The following MTHFD1L variants were observed in gnomAD, a reference collection of about 807,000 sequenced individuals.
MTHFD1L encodes the protein methylenetetrahydrofolate dehydrogenase (NADP+ dependent) 1 like.
Under a neutral mutation model 119.5 loss-of-function variants are expected in MTHFD1L, and 81 were observed. The observed-to-expected ratio is 0.68, with a 90% confidence interval of 0.57 to 0.82. The LOEUF (loss-of-function observed/expected upper bound fraction) is 0.82. MTHFD1L is among the 40% of genes least tolerant of loss of function. MTHFD1L has a pLI of 0.00. For synonymous variants in MTHFD1L, 430 were observed against 475.2 expected, an observed-to-expected ratio of 0.90 and a Z score of 1.24; for missense variants, 1,125 against 1,253.4, an observed-to-expected ratio of 0.90 and a Z score of 1.55.
intron 17 of MTHFD1L, 117 bp downstream of exon 17, chr6:150,956,188 C>G: frequency 9.7e-7 from 1 of 1,031,370 alleles, no homozygotes; most frequent in Non-Finnish European, 1.5e-6. Flanking sequence ...CAGTGGTTCT[C>G]TCACTGTTTT....
At chr6:151,073,992 A>G (rs1272699303) in intron 26 of MTHFD1L, among the ~76,000 whole-genome samples, 1 of 152,240 alleles carries the variant, frequency 6.6e-6, no homozygotes, top group Admixed American at 6.5e-5. Context: ...AAAAGAGAGG[A>G]TAAATGACAC....
intron 10 of MTHFD1L, among the ~76,000 whole-genome samples, chr6:150,925,512 G>C (rs1234044110): frequency 6.6e-6 from 1 of 152,094 alleles, no homozygotes; most frequent in Non-Finnish European, 1.5e-5. Context: ...GTCTGAACTT[G>C]GGCTCAGGGC....
At chr6:151,071,068 C>T in intron 26 of MTHFD1L, among the ~76,000 whole-genome samples, 1 of 152,212 alleles carries the variant, frequency 6.6e-6, no homozygotes, top group Non-Finnish European at 1.5e-5. Flanking sequence ...CTCTAAAATA[C>T]AGCCACAAAT....
chr6:150,991,872 C>T (rs775942148), intron 20 of MTHFD1L, among the ~76,000 whole-genome samples: 1 of 152,110 alleles, frequency 6.6e-6, no homozygotes, highest in Non-Finnish European at 1.5e-5. Flanking sequence ...GGCACTGAGG[C>T]GAGCCTTGAA....
At chr6:151,057,459 A>G in intron 26 of MTHFD1L, 1 of 468,692 alleles carries the variant, frequency 2.1e-6, no homozygotes, top group Non-Finnish European at 2.8e-6. Flanking sequence ...TGGGCAACAT[A>G]ATGAAAACTC....
chr6:151,023,836 C>CT (rs1447406038), intron 24 of MTHFD1L, among the ~76,000 whole-genome samples: 1 of 152,200 alleles, frequency 6.6e-6, no homozygotes, highest in East Asian at 1.9e-4. Flanking sequence ...TGTTGGCCGG[C>CT]TGCCTTCTAC....
At chr6:150,956,194 G>A (rs934399579) in intron 17 of MTHFD1L, 123 bp downstream of exon 17, 36 of 925,776 alleles carry the variant, frequency 3.9e-5, no homozygotes, top group Non-Finnish European at 6.0e-5. Context: ...TTCTCTCACT[G>A]TTTTGGGTGC....
intron 20 of MTHFD1L, among the ~76,000 whole-genome samples, chr6:150,977,047 T>G (rs1282754320): frequency 6.6e-6 from 1 of 152,216 alleles, no homozygotes; most frequent in African/African-American, 2.4e-5. Context: ...TACTATCTGC[T>G]AGGAGCTGGG....
At chr6:150,925,908 T>C (rs1398338691) in intron 10 of MTHFD1L, among the ~76,000 whole-genome samples, 1 of 152,150 alleles carries the variant, frequency 6.6e-6, no homozygotes, top group African/African-American at 2.4e-5. Context: ...TCTAGGATCT[T>C]TGTGAGTTTT....
intron 3 of MTHFD1L, 38 bp from the exon 4 acceptor site, chr6:150,877,735 C>A (rs1463506986): frequency 1.2e-6 from 2 of 1,614,124 alleles, no homozygotes; most frequent in Non-Finnish European, 1.7e-6. Flanking sequence ...ACAATACATT[C>A]TCTTATAGTG....
At chr6:150,969,148 AT>A (rs57231706) in intron 19 of MTHFD1L, among the ~76,000 whole-genome samples, 11,023 of 151,396 alleles carry the variant, frequency 0.073, 1,348 homozygotes, top group African/African-American at 0.25. Context: ...CGCCCAGCAA[AT>A]TTTTGTATTT....
intron 11 of MTHFD1L, among the ~76,000 whole-genome samples, chr6:150,932,843 G>GAAGGAA (rs1432193734): frequency 1.4e-5 from 2 of 141,782 alleles, no homozygotes; most frequent in African/African-American, 5.5e-5. Flanking sequence ...AGGAAGGAAG[G>GAAGGAA]GAGAGAGAGT....
At chr6:151,090,932 G>C (rs1170651091) in intron 26 of MTHFD1L, among the ~76,000 whole-genome samples, 2 of 132,558 alleles carry the variant, frequency 1.5e-5, no homozygotes, top group African/African-American at 6.2e-5. Context: ...CCATGCGACT[G>C]GGTGCAGCAT....
intron 2 of MTHFD1L, 107 bp from the exon 3 acceptor site, chr6:150,877,527 T>C: frequency 7.9e-7 from 1 of 1,259,682 alleles, no homozygotes; most frequent in South Asian, 1.3e-5. Context: ...ACCTTCCATA[T>C]TATCTTTGTA....
chr6:150,875,796 A>G (rs1780343786), intron 1 of MTHFD1L, among the ~76,000 whole-genome samples: 1 of 152,206 alleles, frequency 6.6e-6, no homozygotes, highest in South Asian at 2.1e-4. Flanking sequence ...AGCTTTTATT[A>G]TAGTAAACTT....
chr6:150,887,929 A>G lies in MTHFD1L; in HGVS notation c.728A>G (p.Lys243Arg), dbSNP rs748408811. Residue 243 changes from lysine to arginine, a missense_variant, in exon 7 of 28, where the codon AAA becomes AGA. Around this residue, in one of 3 missense-constraint regions of MTHFD1L, gnomAD observed 1,058 missense variants for 1,151.2 expected, o/e 0.92. Coordinates refer to ENST00000367321, the MANE Select transcript of MTHFD1L (RefSeq NM_015440.5). ...EAALQCLFQRKGSMTMSIQWK... is the reference protein window; with the variant it reads ...EAALQCLFQRRGSMTMSIQWK... Reference sequence around the variant, plus strand: ...GCTCTACAATGCCTGTTCCAGAGAAAAGGGTCCATGACAATGAGCATCCAG... The same window carrying G: ...GCTCTACAATGCCTGTTCCAGAGAAGAGGGTCCATGACAATGAGCATCCAG... The G allele has an allele frequency of 1.9e-6, 3 of 1,610,808 alleles. No individual in the cohort carries two copies. In the Admixed American group the frequency reaches 5.1e-5, roughly 27 times the overall value.
intron 26 of MTHFD1L, among the ~76,000 whole-genome samples, chr6:151,046,217 G>A (rs1266926700): frequency 6.6e-6 from 1 of 151,816 alleles, no homozygotes; most frequent in Admixed American, 6.6e-5. Context: ...CCACTGAGTT[G>A]AGTTTGTAAT....
intron 1 of MTHFD1L, among the ~76,000 whole-genome samples, chr6:150,867,554 T>G (rs1778622020): frequency 6.6e-6 from 1 of 152,112 alleles, no homozygotes; most frequent in Non-Finnish European, 1.5e-5. Context: ...GCAAAAAAAC[T>G]TCTCCCGTCA....
chr6:150,965,178 G>GA, intron 19 of MTHFD1L, 141 bp downstream of exon 19: 1 of 687,560 alleles, frequency 1.5e-6, no homozygotes, highest in South Asian at 1.7e-5. Flanking sequence ...AAAGAGTGAG[G>GA]ATCTGGTTAG....
Sources: allele counts gnomAD v4.1 joint callset (sites outside exome capture counted in the v4.1 genomes callset), GRCh38; gene constraint gnomAD v4.1.1; regional missense constraint gnomAD v4.1.1; transcripts MANE v1.5; gene names NCBI Gene and HGNC (gene_info 2026-07-23, HGNC 2026-07-21).